Variants in SLC38A6 observed in about 807,000 individuals in gnomAD.
SLC38A6 encodes N system amino acid transporter NAT-1.
SLC38A6 carries 73 observed loss-of-function variants against 65.0 expected under a neutral mutation model. That is an observed-to-expected ratio of 1.12 (90% CI 0.93 to 1.37). The LOEUF (loss-of-function observed/expected upper bound fraction) is 1.37. SLC38A6 is among the 40% of genes most tolerant of loss of function. The pLI, the probability that SLC38A6 is intolerant of heterozygous loss-of-function variation, is 0.00. For synonymous variants in SLC38A6, 183 were observed against 178.8 expected, an observed-to-expected ratio of 1.02 and a Z score of -0.19; for missense variants, 561 against 531.1, an observed-to-expected ratio of 1.06 and a Z score of -0.55.
intron 6 of SLC38A6, among the ~76,000 whole-genome samples, chr14:61,031,519 G>C (rs1170420121): frequency 6.6e-6 from 1 of 152,038 alleles, no homozygotes; most frequent in Non-Finnish European, 1.5e-5. Flanking sequence ...AAAAAGACAA[G>C]TAGAAGTCCT....
intron 3 of SLC38A6, among the ~76,000 whole-genome samples, chr14:61,005,541 GACAA>G (rs1243642108): frequency 2.0e-5 from 3 of 151,250 alleles, no homozygotes; most frequent in African/African-American, 2.4e-5. Context: ...ACCAATAACA[GACAA>G]ACAGAGAGCC....
intron 15 of SLC38A6, among the ~76,000 whole-genome samples, chr14:61,061,094 C>T (rs561817749): frequency 9.2e-5 from 14 of 152,236 alleles, no homozygotes; most frequent in African/African-American, 4.8e-5. Flanking sequence ...GCGTCGCTCA[C>T]GCTGGGAGCT....
intron 15 of SLC38A6, among the ~76,000 whole-genome samples, chr14:61,068,274 A>G (rs1459360252): frequency 6.6e-6 from 1 of 152,132 alleles, no homozygotes; most frequent in Non-Finnish European, 1.5e-5. Flanking sequence ...TCTTGCTTCC[A>G]TTCCTGCTAC....
chr14:61,054,930 C>A (rs548081131), downstream of SLC38A6, among the ~76,000 whole-genome samples: 85 of 152,162 alleles, frequency 5.6e-4, no homozygotes, highest in Non-Finnish European at 8.7e-4. Context: ...GTATCCTCGT[C>A]TTAACGCCAG....
At position 61,024,214 on chromosome 14, in the gene SLC38A6, C is replaced by T. The variant is rs373537550; in HGVS notation, c.403+4634C>T. 3.3e-5 allele frequency among the ~76,000 whole-genome samples: 5 copies of T among 152,218 alleles called. No homozygotes were observed. In the East Asian group the frequency reaches 7.7e-4, roughly 23 times the overall value. On this transcript the variant is annotated intron_variant, in intron 5 of 15. Transcript: ENST00000267488. Reference sequence around the variant, plus strand: ...TTGAAAAAATCTACTGTCTGTAAATCTCTAAATTTTATAATGGAAAAAAAT... The same window carrying T: ...TTGAAAAAATCTACTGTCTGTAAATTTCTAAATTTTATAATGGAAAAAAAT...
chr14:60,990,218 A>G (rs2037758673), intron 3 of SLC38A6, among the ~76,000 whole-genome samples: 1 of 152,136 alleles, frequency 6.6e-6, no homozygotes, highest in Non-Finnish European at 1.5e-5. Context: ...TTTAGTAGAA[A>G]CAGGGTTTTG....
At chr14:61,050,046 A>G (rs1962025883) in intron 12 of SLC38A6, among the ~76,000 whole-genome samples, 2 of 152,188 alleles carry the variant, frequency 1.3e-5, no homozygotes, top group South Asian at 2.1e-4. Flanking sequence ...GTATTGAGGA[A>G]AAGATGCTGT....
At chr14:61,042,190 T>G (rs2041855344) in intron 8 of SLC38A6, among the ~76,000 whole-genome samples, 1 of 152,218 alleles carries the variant, frequency 6.6e-6, no homozygotes, top group Non-Finnish European at 1.5e-5. Flanking sequence ...CTCATTAACT[T>G]AATCCTAAAA....
intron 3 of SLC38A6, among the ~76,000 whole-genome samples, chr14:60,986,396 C>T (rs1316342415): frequency 6.6e-6 from 1 of 152,162 alleles, no homozygotes; most frequent in East Asian, 1.9e-4. Context: ...CTTTGGCCAG[C>T]CAGTGCCAGA....
chr14:61,022,165 G>A (rs1161808852), intron 5 of SLC38A6, among the ~76,000 whole-genome samples: 1 of 151,964 alleles, frequency 6.6e-6, no homozygotes, highest in East Asian at 1.9e-4. Context: ...AGTTCAATGC[G>A]AGGGTTATAC....
chr14:61,006,023 G>T (rs936300438), intron 3 of SLC38A6, among the ~76,000 whole-genome samples: 3 of 151,726 alleles, frequency 2.0e-5, no homozygotes, highest in Non-Finnish European at 2.9e-5. Flanking sequence ...AAATAATGCC[G>T]CATATCTACA....
At chr14:61,017,283 AC>A (rs1286515708) in intron 4 of SLC38A6, among the ~76,000 whole-genome samples, 1 of 152,116 alleles carries the variant, frequency 6.6e-6, no homozygotes, top group Non-Finnish European at 1.5e-5. Flanking sequence ...CAGGTGATCC[AC>A]CTGCCTCGGC....
intron 10 of SLC38A6, among the ~76,000 whole-genome samples, chr14:61,044,992 G>A (rs10137033): frequency 0.93 from 141,768 of 152,218 alleles, 66,409 homozygotes; most frequent in Non-Finnish European, 0.99. Context: ...TTAAAAAAGA[G>A]CATTTCTAAA....
chr14:61,003,994 A>G (rs957330654), intron 3 of SLC38A6, among the ~76,000 whole-genome samples: 2 of 152,160 alleles, frequency 1.3e-5, no homozygotes, highest in African/African-American at 4.8e-5. Flanking sequence ...AACTAAAAAA[A>G]ATAGACCCAG....
intron 2 of SLC38A6, among the ~76,000 whole-genome samples, chr14:60,984,207 G>T (rs1013419639): frequency 6.6e-6 from 1 of 152,194 alleles, no homozygotes; most frequent in Non-Finnish European, 1.5e-5. Context: ...AATTTAGTTT[G>T]GTTTGGAGAG....
chr14:61,077,726 G>A (rs962703743), intron 15 of SLC38A6, among the ~76,000 whole-genome samples: 1 of 152,048 alleles, frequency 6.6e-6, no homozygotes, highest in African/African-American at 2.4e-5. Flanking sequence ...AAATAGACTT[G>A]TATTCATACA....
At chr14:61,063,550 A>G (rs958414853) in intron 15 of SLC38A6, among the ~76,000 whole-genome samples, 2 of 152,236 alleles carry the variant, frequency 1.3e-5, no homozygotes, top group African/African-American at 2.4e-5. Context: ...ATCAGTAAAA[A>G]TGTAATCCTA....
chr14:61,019,659 C>A (rs2040236525), intron 5 of SLC38A6, 79 bp downstream of exon 5: 2 of 1,449,332 alleles, frequency 1.4e-6, no homozygotes, highest in South Asian at 1.2e-5. Context: ...TACTACAGAT[C>A]TAGCTGGGAA....
chr14:61,032,258 T>C (rs1455186105), intron 6 of SLC38A6, among the ~76,000 whole-genome samples: 2 of 151,926 alleles, frequency 1.3e-5, no homozygotes, highest in Admixed American at 1.3e-4. Flanking sequence ...CTCCTATTTA[T>C]ATTCTTTTAT....
Sources: allele counts gnomAD v4.1 joint callset (sites outside exome capture counted in the v4.1 genomes callset), GRCh38; gene constraint gnomAD v4.1.1; transcripts MANE v1.5; gene names NCBI Gene and HGNC (gene_info 2026-07-23, HGNC 2026-07-21).